Variants in CHMP4C observed in about 807,000 individuals in gnomAD.
CHMP4C encodes charged multivesicular body protein 4C, also known as SNF7 homolog associated with Alix 3.
Under a neutral mutation model 29.0 loss-of-function variants are expected in CHMP4C, and 28 were observed. That is an observed-to-expected ratio of 0.97 (90% CI 0.72 to 1.32). The LOEUF (loss-of-function observed/expected upper bound fraction) is 1.32, where lower values mean the gene tolerates loss of function less well. Among genes scored for constraint, CHMP4C ranks in the 40% most tolerant of loss-of-function variants. CHMP4C has a pLI of 0.00. For missense variants in CHMP4C, 291 were observed against 281.0 expected, an observed-to-expected ratio of 1.04 and a Z score of -0.25; for synonymous variants, 106 against 102.4, an observed-to-expected ratio of 1.04 and a Z score of -0.21.
chr8:81,737,323 G>A (rs1465118229), intron 1 of CHMP4C, among the ~76,000 whole-genome samples: 2 of 152,054 alleles, frequency 1.3e-5, no homozygotes, highest in Non-Finnish European at 2.9e-5. Context: ...TGACCTGTGG[G>A]CCAGGGTTAA....
chr8:81,748,279 G>GTA (rs376409042), intron 1 of CHMP4C, among the ~76,000 whole-genome samples: 11 of 152,254 alleles, frequency 7.2e-5, no homozygotes, highest in African/African-American at 2.4e-4. Context: ...CACACATGCT[G>GTA]TACAATTTGT....
At chr8:81,750,106 T>A (rs544598340) in intron 1 of CHMP4C, among the ~76,000 whole-genome samples, 1 of 152,200 alleles carries the variant, frequency 6.6e-6, no homozygotes, top group East Asian at 1.9e-4. Flanking sequence ...CTGCAGAGAT[T>A]TGCAGGGAGA....
chr8:81,754,478 C>A, intron 2 of CHMP4C, among the ~76,000 whole-genome samples: 1 of 151,976 alleles, frequency 6.6e-6, no homozygotes, highest in Non-Finnish European at 1.5e-5. Flanking sequence ...GAAAATATGT[C>A]AAAATAGCTC....
chr8:81,754,388 T>C (rs549831031), intron 2 of CHMP4C, among the ~76,000 whole-genome samples: 2 of 152,150 alleles, frequency 1.3e-5, no homozygotes, highest in African/African-American at 4.8e-5. Flanking sequence ...TTGTTTTATA[T>C]TCAGTATAAA....
chr8:81,742,515 A>G (rs1808773715), intron 1 of CHMP4C, among the ~76,000 whole-genome samples: 1 of 152,220 alleles, frequency 6.6e-6, no homozygotes, highest in African/African-American at 2.4e-5. Flanking sequence ...TAAACATTTA[A>G]GAAGTACTTT....
intron 2 of CHMP4C, among the ~76,000 whole-genome samples, chr8:81,753,653 G>C (rs1219669041): frequency 6.6e-6 from 1 of 152,088 alleles, no homozygotes; most frequent in Non-Finnish European, 1.5e-5. Context: ...AACTTGCAAA[G>C]TGTTTGGGTC....
intron 3 of CHMP4C, among the ~76,000 whole-genome samples, chr8:81,756,859 C>A (rs1808979561): frequency 6.6e-6 from 1 of 152,082 alleles, no homozygotes; most frequent in Non-Finnish European, 1.5e-5. Context: ...AATAGGACGC[C>A]AGGGTATTCA....
At chr8:81,750,967 A>C (rs1350639669) in intron 1 of CHMP4C, among the ~76,000 whole-genome samples, 1 of 152,160 alleles carries the variant, frequency 6.6e-6, no homozygotes, top group African/African-American at 2.4e-5. Flanking sequence ...TGGAGAGGAA[A>C]CAAGAAAAGA....
chr8:81,744,309 T>G (rs1808797195), intron 1 of CHMP4C, among the ~76,000 whole-genome samples: 1 of 152,192 alleles, frequency 6.6e-6, no homozygotes, highest in Non-Finnish European at 1.5e-5. Context: ...TTCAGTGGTA[T>G]GAGATTTGTA....
Position 81,758,646 on chromosome 8 carries a change from A to T in CHMP4C, c.*102A>T. 2.6e-6 allele frequency: 2 copies of T among 778,022 alleles called. No individual in the cohort carries two copies. Among genetic ancestry groups the T allele is most frequent in the Non-Finnish European group, 4.3e-6 (2 of 464,230 alleles). 48.2% of individuals were successfully genotyped at this position (778,022 alleles called of 1,614,324 possible). On this transcript the variant is annotated 3_prime_UTR_variant, in exon 5 of 5. Transcript: ENST00000297265. ...TTAACAAAGACTCTGCTTTATAATTATATTGAATGAATAATTGTGTTTTAA... is the reference window on the plus strand; with the variant it reads ...TTAACAAAGACTCTGCTTTATAATTTTATTGAATGAATAATTGTGTTTTAA...
At chr8:81,737,309 A>T (rs1362440086) in intron 1 of CHMP4C, among the ~76,000 whole-genome samples, 2 of 152,094 alleles carry the variant, frequency 1.3e-5, no homozygotes, top group Non-Finnish European at 2.9e-5. Context: ...CCCCCACCTG[A>T]TTCTGACCTG....
At chr8:81,737,069 G>T (rs1808701060) in intron 1 of CHMP4C, among the ~76,000 whole-genome samples, 1 of 152,204 alleles carries the variant, frequency 6.6e-6, no homozygotes. Flanking sequence ...ACTTTAGGAG[G>T]CCAGAGATTC....
chr8:81,732,577 G>T lies in CHMP4C; in HGVS notation c.-50G>T. On this transcript the variant is annotated 5_prime_UTR_variant, in exon 1 of 5. Transcript: ENST00000297265. ...ACCTGTCCCCTCGGCGCGGCCCCGG[G>T]GAGCTCCCGAGAGGCCCCCGGGATC... 2 of 1,438,792 alleles carry T rather than the reference G, an allele frequency of 1.4e-6. No homozygotes were observed. Among genetic ancestry groups the T allele is most frequent in the Non-Finnish European group, 1.9e-6 (2 of 1,072,458 alleles). 89.1% of individuals were successfully genotyped at this position (1,438,792 alleles called of 1,614,324 possible).
At chr8:81,751,693 T>C (rs1189872841) in intron 1 of CHMP4C, among the ~76,000 whole-genome samples, 1 of 151,636 alleles carries the variant, frequency 6.6e-6, no homozygotes, top group African/African-American at 2.4e-5. Context: ...ACAAAAAAGA[T>C]GACAATAAAG....
chr8:81,736,314 C>T (rs111613395), intron 1 of CHMP4C, among the ~76,000 whole-genome samples: 1 of 151,200 alleles, frequency 6.6e-6, no homozygotes, highest in Admixed American at 6.6e-5. Flanking sequence ...CACTACCACA[C>T]CCAGCTATTT....
At chr8:81,750,338 A>C (rs527953871) in intron 1 of CHMP4C, among the ~76,000 whole-genome samples, 1 of 151,998 alleles carries the variant, frequency 6.6e-6, no homozygotes, top group East Asian at 1.9e-4. Flanking sequence ...GGTGGCTCAC[A>C]CCGGCAATCT....
chr8:81,743,823 T>C (rs1354891370), intron 1 of CHMP4C, among the ~76,000 whole-genome samples: 1 of 152,210 alleles, frequency 6.6e-6, no homozygotes. Context: ...ATCATTTCTG[T>C]TGGAAAATAA....
intron 1 of CHMP4C, among the ~76,000 whole-genome samples, chr8:81,739,601 A>AC (rs1808738907): frequency 1.3e-5 from 2 of 152,098 alleles, no homozygotes. Context: ...TTGGGCTTTC[A>AC]CCCCACAGTA....
At chr8:81,742,921 T>C (rs1808780507) in intron 1 of CHMP4C, among the ~76,000 whole-genome samples, 1 of 152,190 alleles carries the variant, frequency 6.6e-6, no homozygotes, top group South Asian at 2.1e-4. Flanking sequence ...GATTTGTTGG[T>C]GTTACTTGTA....
Sources: gnomAD v4.1 joint callset for allele counts (sites outside exome capture counted in the v4.1 genomes callset) on GRCh38, gnomAD v4.1.1 for gene constraint, MANE v1.5 for transcripts, NCBI Gene and HGNC (gene_info 2026-07-23, HGNC 2026-07-21) for gene names.